XRRA1: variants seen among roughly 807,000 people sequenced by gnomAD.
XRRA1 encodes the protein X-ray radiation resistance associated 1.
XRRA1 carries 69 observed loss-of-function variants against 80.2 expected under a neutral mutation model. The ratio of observed to expected loss-of-function variants is 0.86; its 90% CI spans 0.71 to 1.05. XRRA1 has a LOEUF of 1.05. Ranked by LOEUF, XRRA1 falls within the 50% of genes least tolerant of loss-of-function variation. The pLI is 0.00. For synonymous variants in XRRA1, 348 were observed against 389.9 expected, an observed-to-expected ratio of 0.89 and a Z score of 1.27; for missense variants, 967 against 976.4, an observed-to-expected ratio of 0.99 and a Z score of 0.13.
At chr11:74,877,315 G>A (rs2046261492) in intron 10 of XRRA1, among the ~76,000 whole-genome samples, 1 of 151,974 alleles carries the variant, frequency 6.6e-6, no homozygotes, top group South Asian at 2.1e-4. Flanking sequence ...GAAAAATGTT[G>A]CTTTTATATT....
intron 12 of XRRA1, among the ~76,000 whole-genome samples, chr11:74,855,687 A>G (rs2040922109): frequency 6.6e-6 from 1 of 152,242 alleles, no homozygotes; most frequent in South Asian, 2.1e-4. Context: ...TTTACTTTTG[A>G]CACAACAATT....
intron 12 of XRRA1, among the ~76,000 whole-genome samples, chr11:74,853,010 C>A (rs2135612382): frequency 6.6e-6 from 1 of 152,348 alleles, no homozygotes; most frequent in Non-Finnish European, 1.5e-5. Context: ...TAACTTCTTT[C>A]ATTTTTATTC....
intron 14 of XRRA1, 111 bp downstream of exon 14, chr11:74,850,977 G>A: frequency 1.5e-6 from 1 of 677,060 alleles, no homozygotes; most frequent in South Asian, 2.2e-5. Context: ...GAACCTAATG[G>A]AGAGATTCCA....
At chr11:74,887,213 G>C (rs2049247904) in intron 10 of XRRA1, among the ~76,000 whole-genome samples, 1 of 152,180 alleles carries the variant, frequency 6.6e-6, no homozygotes, top group Admixed American at 6.5e-5. Context: ...AACAGTAATT[G>C]ACAAATGAGA....
At chr11:74,875,251 C>T (rs2045783990) in intron 10 of XRRA1, among the ~76,000 whole-genome samples, 2 of 152,154 alleles carry the variant, frequency 1.3e-5, no homozygotes, top group African/African-American at 4.8e-5. Flanking sequence ...GATGAGGCAG[C>T]CAAGTCAGCA....
At chr11:74,931,130 A>AAGTGTGTG (rs1943448463) in intron 5 of XRRA1, among the ~76,000 whole-genome samples, 1 of 57,148 alleles carries the variant, frequency 1.7e-5, no homozygotes, top group East Asian at 4.2e-4. Context: ...TTATGCTTAT[A>AAGTGTGTG]CGTGTGTGTG....
chr11:74,866,985 C>A (rs991141587), intron 10 of XRRA1, among the ~76,000 whole-genome samples: 2 of 152,008 alleles, frequency 1.3e-5, no homozygotes, highest in Admixed American at 6.6e-5. Flanking sequence ...GTGCACGTAC[C>A]CCACCATGCC....
At chr11:74,890,869 TGAATAGACCAATAACAG>T (rs1339549754) in intron 10 of XRRA1, among the ~76,000 whole-genome samples, 1 of 152,184 alleles carries the variant, frequency 6.6e-6, no homozygotes, top group Non-Finnish European at 1.5e-5. Flanking sequence ...GTTGAATCTC[TGAATAGACCAATAACAG>T]GAGCTGAAAT....
intron 8 of XRRA1, among the ~76,000 whole-genome samples, chr11:74,910,219 TAACA>T (rs796995969): frequency 3.0e-4 from 45 of 152,316 alleles, no homozygotes; most frequent in African/African-American, 1.1e-3. Context: ...AGACATGGCT[TAACA>T]AACTGTGTGT....
At chr11:74,917,117 T>C (rs1227797164) in intron 8 of XRRA1, among the ~76,000 whole-genome samples, 3 of 152,234 alleles carry the variant, frequency 2.0e-5, no homozygotes, top group Non-Finnish European at 2.9e-5. Flanking sequence ...CAACAATGGT[T>C]GTGTGCCTCT....
At chr11:74,901,999 CAT>C (rs1313806821) in intron 10 of XRRA1, among the ~76,000 whole-genome samples, 3 of 152,144 alleles carry the variant, frequency 2.0e-5, no homozygotes, top group East Asian at 1.9e-4. Flanking sequence ...TGGGAGAAAA[CAT>C]GTGCAAACTA....
At position 74,848,420 on chromosome 11, in the gene XRRA1, G is replaced by A. The variant is rs762454001; in HGVS notation, c.1423C>T (p.Leu475Phe). Residue 475 changes from leucine (L) to phenylalanine (F), a missense_variant, in exon 15 of 19, where the codon CTC becomes TTC. By Grantham distance (22) the Leu-to-Phe change is conservative (BLOSUM62 0). Coordinates refer to ENST00000684022, the MANE Select transcript of XRRA1 (RefSeq NM_001378157.1). Reference sequence around the variant, plus strand: ...GTTGTCGTCATGCGCGGGTGATGGAGCACCAGAGGCTGCTTCGGCACCTTT... The same window carrying A: ...GTTGTCGTCATGCGCGGGTGATGGAACACCAGAGGCTGCTTCGGCACCTTT... Reference protein sequence around the residue: ...IPKVPKQPLVLHHPRMTTTKS... With the variant: ...IPKVPKQPLVFHHPRMTTTKS... 6.2e-7 allele frequency: 1 copy of A among 1,612,950 alleles called. No individual in the cohort carries two copies. Among genetic ancestry groups the A allele is most frequent in the South Asian group, 1.1e-5 (1 of 91,062 alleles).
intron 5 of XRRA1, among the ~76,000 whole-genome samples, chr11:74,932,643 A>T (rs1943909795): frequency 6.6e-6 from 1 of 152,234 alleles, no homozygotes; most frequent in South Asian, 2.1e-4. Flanking sequence ...AGCCCTCAAA[A>T]GGTGAATTGA....
intron 8 of XRRA1, among the ~76,000 whole-genome samples, chr11:74,914,136 C>T (rs1425028522): frequency 2.0e-5 from 3 of 152,172 alleles, no homozygotes; most frequent in Non-Finnish European, 1.5e-5. Flanking sequence ...CAGGCGCCCG[C>T]CACCACATCT....
At chr11:74,909,059 G>A (rs1045382115) in intron 8 of XRRA1, among the ~76,000 whole-genome samples, 2 of 152,128 alleles carry the variant, frequency 1.3e-5, no homozygotes, top group Middle Eastern at 3.2e-3. Flanking sequence ...ATTCCCCAAT[G>A]TTCTTACAAT....
At chr11:74,863,063 T>C in intron 10 of XRRA1, 42 bp from the exon 11 acceptor site, 1 of 1,570,190 alleles carries the variant, frequency 6.4e-7, no homozygotes, top group Non-Finnish European at 8.7e-7. Flanking sequence ...GTGAGACCGC[T>C]GATTGATGCC....
At chr11:74,900,444 T>C (rs1393801521) in intron 10 of XRRA1, among the ~76,000 whole-genome samples, 1 of 151,952 alleles carries the variant, frequency 6.6e-6, no homozygotes, top group Non-Finnish European at 1.5e-5. Context: ...TAGCCAGGCA[T>C]GGTGGCATAT....
chr11:74,906,395 G>C lies in XRRA1; in HGVS notation c.847C>G (p.Gln283Glu), dbSNP rs376296587. The change falls in exon 10 of 19, where the codon CAG becomes GAG. Residue 283 changes from glutamine to glutamate, a missense_variant. Coordinates refer to ENST00000684022, the MANE Select transcript of XRRA1 (RefSeq NM_001378157.1). ...CAGTCTACTGACTCGTCATAGAGCT[G>C]AACTTGCTGTAGGTATGGGATCCTG... ...IIRIPYLQQV[Q>E]LYDESVDWNG... 2.1e-5 allele frequency: 34 copies of C among 1,613,866 alleles called. No individual in the cohort carries two copies. Among genetic ancestry groups the C allele is most frequent in the Non-Finnish European group, 2.7e-5 (32 of 1,179,902 alleles).
intron 11 of XRRA1, 115 bp from the exon 12 acceptor site, chr11:74,859,398 TG>T (rs2041850052): frequency 8.2e-7 from 1 of 1,222,018 alleles, no homozygotes; most frequent in Non-Finnish European, 1.1e-6. Context: ...TAGAGAGACT[TG>T]GCCAAAAGAG....
Sources: gnomAD v4.1 joint callset for allele counts (sites outside exome capture counted in the v4.1 genomes callset) on GRCh38, gnomAD v4.1.1 for gene constraint, MANE v1.5 for transcripts, NCBI Gene and HGNC (gene_info 2026-07-23, HGNC 2026-07-21) for gene names.